EP400: variants seen among roughly 807,000 people sequenced by gnomAD.
The protein encoded by EP400 is E1A-binding protein p400.
EP400 carries 105 observed loss-of-function variants against 354.1 expected under a neutral mutation model. The ratio of observed to expected loss-of-function variants is 0.30; its 90% confidence interval spans 0.25 to 0.35. The LOEUF (loss-of-function observed/expected upper bound fraction) is 0.35, where lower values mean the gene tolerates loss of function less well. EP400 is among the 10% of genes least tolerant of loss of function. EP400 has a pLI of 1.00. For missense variants in EP400, 3,280 were observed against 4,121.0 expected (o/e 0.80, Z 5.59); for synonymous variants, 1,646 against 1,716.9 (o/e 0.96, Z 1.02).
chr12:131,951,636 C>G (rs1891498034), intron 1 of EP400, among the ~76,000 whole-genome samples: 1 of 152,206 alleles, frequency 6.6e-6, no homozygotes, highest in African/African-American at 2.4e-5. Context: ...GAGTCTCACT[C>G]TGTCTCCCAG....
intron 12 of EP400, among the ~76,000 whole-genome samples, chr12:132,003,484 A>G (rs1893485933): frequency 6.6e-6 from 1 of 152,148 alleles, no homozygotes; most frequent in African/African-American, 2.4e-5. Context: ...GGACGACTGT[A>G]TTTAATTTTC....
At chr12:131,967,122 G>A (rs1431480508) in intron 2 of EP400, among the ~76,000 whole-genome samples, 1 of 151,824 alleles carries the variant, frequency 6.6e-6, no homozygotes, top group Non-Finnish European at 1.5e-5. Flanking sequence ...GCTCATGCCT[G>A]TAATTCCAGC....
At position 132,064,805 on chromosome 12, in the gene EP400, C is replaced by T. The variant is rs745828577; in HGVS notation, c.8472C>T (p.Pro2824=). Residue 2824 remains proline, a synonymous_variant, in exon 48 of 53, where the codon CCC becomes CCT. Coordinates refer to ENST00000389561, the MANE Select transcript of EP400 (RefSeq NM_015409.5). ...QTSQPPQQQS[P]QLTTVTAPRP... ...CGCAGCCGCCGCAGCAGCAGAGCCC[C>T]CAGCTCACGACGGTCACGGCCCCAA... 8.1e-6 allele frequency: 13 copies of T among 1,612,840 alleles called. No homozygotes were observed. Among genetic ancestry groups the T allele is most frequent in the Admixed American group, 1.7e-5 (1 of 59,982 alleles).
Position 131,987,785 on chromosome 12 carries a change from G to A in EP400, c.2304G>A (p.Glu768=). 1.2e-6 allele frequency: 2 copies of A among 1,612,994 alleles called. No individual in the cohort carries two copies. Among genetic ancestry groups the A allele is most frequent in the East Asian group, 2.2e-5 (1 of 44,868 alleles). The change falls in exon 7 of 53, where the codon GAG becomes GAA. Residue 768 remains glutamate (E), a synonymous_variant. Transcript: ENST00000389561. ...WSQRRLPKLQ[E]APRPKSHWDY... ...AGAGGCGTCTGCCAAAGCTGCAGGA[G>A]GCCCCACGCCCCAAGTCCCACTGGG...
Position 132,031,993 on chromosome 12 carries a change from G to A in EP400, c.5795G>A (p.Cys1932Tyr). Residue 1932 changes from cysteine to tyrosine, a missense_variant, in exon 30 of 53, where the codon TGT (cysteine) becomes TAT (tyrosine). Cys to Tyr is a radical substitution (Grantham distance 194, BLOSUM62 -2). Around this residue, in one of 20 missense-constraint regions of EP400, gnomAD observed 459 missense variants for 496.9 expected, o/e 0.92. Transcript: ENST00000389561. ...TTCAACAGAGACAGGCGGATTTTTT[G>A]TGCCATTCTCTCCACTCACAGCCGT... ...RSFNRDRRIFCAILSTHSRTT... is the reference protein window; with the variant it reads ...RSFNRDRRIFYAILSTHSRTT... 6.2e-7 allele frequency: 1 copy of A among 1,613,198 alleles called. No homozygotes were observed. The highest frequency in any genetic ancestry group is 8.5e-7 in the Non-Finnish European group (1 of 1,179,466).
chr12:131,984,227 CAA>C (rs902822171), intron 5 of EP400, among the ~76,000 whole-genome samples: 2 of 152,096 alleles, frequency 1.3e-5, no homozygotes, highest in Admixed American at 6.6e-5. Context: ...AGATTTATGG[CAA>C]AGTCTTAAGT....
intron 15 of EP400, among the ~76,000 whole-genome samples, chr12:132,008,762 C>T (rs1177838635): frequency 7.9e-5 from 12 of 151,090 alleles, no homozygotes; most frequent in East Asian, 5.9e-4. Context: ...GGACTACAGA[C>T]GCTTGTCACT....
Position 131,982,235 on chromosome 12 carries a change from C to G in EP400, c.1686C>G (p.Pro562=). 1 of 1,614,068 alleles carries G rather than the reference C, an allele frequency of 6.2e-7. No homozygotes were observed. The highest frequency in any genetic ancestry group is 8.5e-7 in the Non-Finnish European group (1 of 1,179,992). ...TGCCGCAGCTGCCCGGGAGGCTGCC[C>G]CCAGCCGGTGTTCCCACTGCAGCCC... ...TPLPQLPGRL[P]PAGVPTAALS... is the part of the protein sequence containing the mutation. The change falls in exon 5 of 53, where the codon CCC becomes CCG. Residue 562 remains proline (P), a synonymous_variant. Transcript: ENST00000389561.
intron 2 of EP400, among the ~76,000 whole-genome samples, chr12:131,962,255 A>G: frequency 6.6e-6 from 1 of 152,100 alleles, no homozygotes; most frequent in East Asian, 1.9e-4. Context: ...GGTTCAGAGA[A>G]CTCAGCAAGC....
At position 131,961,169 on chromosome 12, in the gene EP400, C is replaced by G; in HGVS notation, c.550C>G (p.Pro184Ala). 6.3e-7 allele frequency: 1 copy of G among 1,599,410 alleles called. No homozygotes were observed. The highest frequency in any genetic ancestry group is 1.1e-5 in the South Asian group (1 of 88,810). The change falls in exon 2 of 53, where the codon CCC becomes GCC. Residue 184 changes from proline (P) to alanine (A), a missense_variant. By Grantham distance (27) the Pro-to-Ala change is conservative (BLOSUM62 -1). Around this residue, in one of 20 missense-constraint regions of EP400, gnomAD observed 172 missense variants for 242.9 expected, o/e 0.71. Coordinates refer to ENST00000389561, the MANE Select transcript of EP400 (RefSeq NM_015409.5). ...SVLVRQISLSPSSGGHFVFQD... is the reference protein window; with the variant it reads ...SVLVRQISLSASSGGHFVFQD... ...GCTGGTGAGGCAGATCAGCTTGAGC[C>G]CCTCCAGTGGTGGACACTTTGTGTT...
intron 12 of EP400, among the ~76,000 whole-genome samples, chr12:132,001,838 G>A (rs1366237479): frequency 6.6e-6 from 1 of 152,150 alleles, no homozygotes; most frequent in Non-Finnish European, 1.5e-5. Context: ...TGATTATAGA[G>A]CGAGGATTAT....
At chr12:131,988,911 G>C (rs1892947029) in intron 7 of EP400, among the ~76,000 whole-genome samples, 1 of 152,228 alleles carries the variant, frequency 6.6e-6, no homozygotes, top group South Asian at 2.1e-4. Context: ...AGGGTAGGCA[G>C]AGAGAAGCTG....
intron 2 of EP400, among the ~76,000 whole-genome samples, chr12:131,970,087 A>T (rs1033918137): frequency 6.6e-6 from 1 of 152,184 alleles, no homozygotes; most frequent in Non-Finnish European, 1.5e-5. Context: ...ATAACTCTTA[A>T]GTTGGAGATT....
intron 29 of EP400, among the ~76,000 whole-genome samples, chr12:132,030,584 G>A (rs1205217541): frequency 1.3e-5 from 2 of 152,284 alleles, no homozygotes; most frequent in African/African-American, 4.8e-5. Flanking sequence ...TCCCGTGAAA[G>A]CATAAACTAG....
At chr12:132,076,026 T>C (rs1474328039) in intron 51 of EP400, 1 of 226,016 alleles carries the variant, frequency 4.4e-6, no homozygotes, top group Non-Finnish European at 9.0e-6. Flanking sequence ...ATCTCAATCA[T>C]GACTAAGAAG....
rs377249323 is a variant in EP400, at chr12:131,991,436, G to T, written c.2659G>T (p.Ala887Ser). Reference sequence around the variant, plus strand: ...AGAATTGAGACCTAAAGGATTTGACGCATTACAGGAAAGTTCTCTGGTAAG... The same window carrying T: ...AGAATTGAGACCTAAAGGATTTGACTCATTACAGGAAAGTTCTCTGGTAAG... The part of the protein sequence containing the change: ...GKELRPKGFD[A>S]LQESSLDSGM... Residue 887 changes from alanine (A) to serine (S), a missense_variant, in exon 10 of 53, where the codon GCA becomes TCA. By Grantham distance (99) the Ala-to-Ser change is moderately conservative (BLOSUM62 1). This residue lies in a region of EP400 where 800 missense variants were observed against 840.0 expected (regional missense o/e 0.95). Coordinates refer to ENST00000389561, the MANE Select transcript of EP400 (RefSeq NM_015409.5). 3.7e-6 allele frequency: 6 copies of T among 1,613,912 alleles called. No homozygotes were observed. Among genetic ancestry groups the T allele is most frequent in the Non-Finnish European group, 4.2e-6 (5 of 1,179,966 alleles).
At position 131,955,911 on chromosome 12, in the gene EP400, G is replaced by A. The variant is rs186240713; in HGVS notation, c.-35-4674G>A. ...TCCGCCCGCCTCGGCCTCCCAAAGTGCTGGGATTACAGGCATGAGTCACTG... is the reference window on the plus strand; with the variant it reads ...TCCGCCCGCCTCGGCCTCCCAAAGTACTGGGATTACAGGCATGAGTCACTG... On this transcript the variant is annotated intron_variant, in intron 1 of 52. Transcript: ENST00000389561. Among the ~76,000 whole-genome samples the A allele has an allele frequency of 1.7e-4, 26 of 152,316 alleles. No homozygotes were observed. In the East Asian group the frequency reaches 4.8e-3, roughly 28 times the overall value.
Position 132,053,485 on chromosome 12 carries a change from C to T in EP400, c.7616C>T (p.Pro2539Leu), listed in dbSNP as rs755696661. Residue 2539 changes from proline to leucine, a missense_variant, in exon 43 of 53, where the codon CCA becomes CTA. Pro to Leu is a moderately conservative substitution (Grantham distance 98). Transcript: ENST00000389561. ...GCGGGCAGCCAGCCGCCAGCAGGGC[C>T]ACCAGCTGTCCAGCCCCAACCCCAG... The part of the protein sequence containing the change: ...QAAGSQPPAG[P>L]PAVQPQPQPQ... 6.5e-7 allele frequency: 1 copy of T among 1,535,684 alleles called. No homozygotes were observed. Among genetic ancestry groups the T allele is most frequent in the Admixed American group, 2.0e-5 (1 of 51,216 alleles).
chr12:131,977,192 A>C (rs1457483026), intron 2 of EP400, among the ~76,000 whole-genome samples: 1 of 152,078 alleles, frequency 6.6e-6, no homozygotes, highest in Non-Finnish European at 1.5e-5. Context: ...GTTGGAGTGC[A>C]GTAGTGCAGT....
Sources: allele counts gnomAD v4.1 joint callset (sites outside exome capture counted in the v4.1 genomes callset), GRCh38; gene constraint gnomAD v4.1.1; regional missense constraint gnomAD v4.1.1; transcripts MANE v1.5; gene names NCBI Gene and HGNC (gene_info 2026-07-23, HGNC 2026-07-21).